ERBB4: variants seen among roughly 807,000 people sequenced by gnomAD.
ERBB4 encodes the protein receptor tyrosine-protein kinase erbB-4.
ERBB4 carries 42 observed loss-of-function variants against 158.0 expected under a neutral mutation model. That is an observed-to-expected ratio of 0.27 (90% CI 0.21 to 0.34). The LOEUF is 0.34. Ranked by LOEUF, ERBB4 falls within the 10% of genes least tolerant of loss-of-function variation. The probability of loss-of-function intolerance (pLI) is 1.00; values close to 1 mark genes in which losing one functional copy is unlikely to be tolerated. For synonymous variants in ERBB4, 583 were observed against 558.7 expected (o/e 1.04, Z -0.61); for missense variants, 1,333 against 1,624.1 (o/e 0.82, Z 3.08).
At chr2:211,522,326 A>C (rs2066209457) in intron 20 of ERBB4, among the ~76,000 whole-genome samples, 1 of 152,162 alleles carries the variant, frequency 6.6e-6, no homozygotes, top group Non-Finnish European at 1.5e-5. Flanking sequence ...CTGTATATAA[A>C]TGTAGTGGAA....
At chr2:211,568,052 C>A (rs1372410894) in intron 19 of ERBB4, among the ~76,000 whole-genome samples, 1 of 151,948 alleles carries the variant, frequency 6.6e-6, no homozygotes, top group Non-Finnish European at 1.5e-5. Flanking sequence ...CGCTGAAGAC[C>A]ATGGGAATAA....
chr2:212,006,893 C>G (rs1176786353), intron 2 of ERBB4, among the ~76,000 whole-genome samples: 1 of 151,920 alleles, frequency 6.6e-6, no homozygotes, highest in African/African-American at 2.4e-5. Flanking sequence ...TTTAACTTCA[C>G]TGAGATTGGG....
At chr2:211,844,210 T>C (rs1045224769) in intron 3 of ERBB4, among the ~76,000 whole-genome samples, 1 of 152,152 alleles carries the variant, frequency 6.6e-6, no homozygotes, top group Non-Finnish European at 1.5e-5. Flanking sequence ...TCACAATAGT[T>C]ATTTTATCTA....
chr2:211,846,091 T>C (rs1007309093), intron 3 of ERBB4, among the ~76,000 whole-genome samples: 3 of 151,490 alleles, frequency 2.0e-5, no homozygotes, highest in Non-Finnish European at 4.4e-5. Flanking sequence ...ATTCATGTTG[T>C]CCACTCTAGG....
chr2:211,917,169 T>C (rs556938201), intron 3 of ERBB4, among the ~76,000 whole-genome samples: 1 of 152,224 alleles, frequency 6.6e-6, no homozygotes, highest in South Asian at 2.1e-4. Context: ...TCTCAGATGG[T>C]TTGCTGCTCA....
intron 3 of ERBB4, among the ~76,000 whole-genome samples, chr2:211,904,494 T>C (rs1181297711): frequency 6.6e-6 from 1 of 152,094 alleles, no homozygotes; most frequent in East Asian, 1.9e-4. Context: ...CATTTTCTCA[T>C]TTTATAAAAT....
intron 1 of ERBB4, among the ~76,000 whole-genome samples, chr2:212,371,692 T>C (rs949492460): frequency 1.3e-5 from 2 of 152,198 alleles, no homozygotes; most frequent in African/African-American, 2.4e-5. Flanking sequence ...TTTGTTCCTA[T>C]TGATATCTCT....
intron 2 of ERBB4, among the ~76,000 whole-genome samples, chr2:212,052,918 G>A (rs1430116694): frequency 6.6e-6 from 1 of 152,192 alleles, no homozygotes; most frequent in African/African-American, 2.4e-5. Flanking sequence ...GAATAAAAAA[G>A]CTTTCTTTCC....
chr2:211,913,520 G>T (rs1264957155), intron 3 of ERBB4, among the ~76,000 whole-genome samples: 1 of 151,902 alleles, frequency 6.6e-6, no homozygotes, highest in East Asian at 1.9e-4. Context: ...AGAATCGCTC[G>T]AACTCGGGAG....
rs539518578 is a variant in ERBB4 at position 211,590,939 on chromosome 2, A to G, written c.2301+28238T>C. On this transcript the variant is annotated intron_variant, in intron 19 of 27. Transcript: ENST00000342788. ...AAAAACTTTTTGAAACTTTCTCTAC[A>G]ATGATGATTATACTCTTAAACAATA... is the stretch of plus-strand genomic sequence containing the variant. Among the ~76,000 whole-genome samples the G allele has an allele frequency of 1.1e-4, 16 of 152,302 alleles. 1 individual carries two copies. The highest frequency in any genetic ancestry group is 2.9e-4 in the African/African-American group (12 of 41,570).
intron 20 of ERBB4, among the ~76,000 whole-genome samples, chr2:211,547,140 T>C (rs1002129927): frequency 1.3e-5 from 2 of 152,122 alleles, no homozygotes; most frequent in Non-Finnish European, 2.9e-5. Flanking sequence ...AATACTGCAC[T>C]TATAGTTATA....
At chr2:211,623,045 A>ATATATATATATG (rs1337319527) in intron 18 of ERBB4, among the ~76,000 whole-genome samples, 1 of 105,916 alleles carries the variant, frequency 9.4e-6, no homozygotes, top group Non-Finnish European at 1.8e-5. Flanking sequence ...ATATATATAT[A>ATATATATATATG]AAATGCCAAA....
chr2:211,438,451 T>G (rs2063903677), intron 20 of ERBB4, among the ~76,000 whole-genome samples: 1 of 152,184 alleles, frequency 6.6e-6, no homozygotes. Context: ...TTATACAACA[T>G]TTGTGTTTGT....
chr2:212,016,494 A>G (rs1348307085), intron 2 of ERBB4, among the ~76,000 whole-genome samples: 1 of 151,722 alleles, frequency 6.6e-6, no homozygotes, highest in African/African-American at 2.4e-5. Context: ...TAAAAAATCT[A>G]CTGGCATATC....
intron 20 of ERBB4, among the ~76,000 whole-genome samples, chr2:211,438,384 C>A (rs1222516172): frequency 6.6e-6 from 1 of 152,048 alleles, no homozygotes; most frequent in Non-Finnish European, 1.5e-5. Flanking sequence ...CTTAGTGCAT[C>A]CTAATTTTAA....
At chr2:212,091,395 A>G (rs1418301267) in intron 2 of ERBB4, among the ~76,000 whole-genome samples, 1 of 152,192 alleles carries the variant, frequency 6.6e-6, no homozygotes, top group East Asian at 1.9e-4. Context: ...TGATTGGGAT[A>G]TGACTTACAT....
At chr2:212,034,912 T>G (rs1339853980) in intron 2 of ERBB4, among the ~76,000 whole-genome samples, 2 of 152,168 alleles carry the variant, frequency 1.3e-5, no homozygotes, top group Non-Finnish European at 2.9e-5. Context: ...TTTTCAAAAT[T>G]CAGTTTGTGT....
chr2:212,340,591 G>T, intron 1 of ERBB4, among the ~76,000 whole-genome samples: 1 of 152,082 alleles, frequency 6.6e-6, no homozygotes, highest in Admixed American at 6.6e-5. Context: ...TTCACAAAAG[G>T]GTTTGCACTC....
intron 1 of ERBB4, among the ~76,000 whole-genome samples, chr2:212,421,196 G>A (rs910008204): frequency 1.5e-4 from 23 of 152,020 alleles, no homozygotes; most frequent in Non-Finnish European, 3.1e-4. Flanking sequence ...AGGTCCTTAC[G>A]AAGACAATAT....
Sources: gnomAD v4.1 joint callset for allele counts (sites outside exome capture counted in the v4.1 genomes callset) on GRCh38, gnomAD v4.1.1 for gene constraint, MANE v1.5 for transcripts, NCBI Gene and HGNC (gene_info 2026-07-23, HGNC 2026-07-21) for gene names.